Variants in C1orf21 observed in about 807,000 individuals in gnomAD.
C1orf21 encodes the protein uncharacterized protein C1orf21.
A neutral mutation model predicts 18.7 loss-of-function variants in C1orf21; 3 were observed. The observed-to-expected ratio is 0.16, with a 90% CI of 0.07 to 0.42. The LOEUF is 0.42. C1orf21 is among the 10% of genes least tolerant of loss of function. The pLI is 0.99. For synonymous variants in C1orf21, 41 were observed against 46.4 expected, an observed-to-expected ratio of 0.88 and a Z score of 0.47; for missense variants, 104 against 143.6, an observed-to-expected ratio of 0.72 and a Z score of 1.41.
At chr1:184,396,038 A>G (rs537551001) in intron 1 of C1orf21, among the ~76,000 whole-genome samples, 1 of 152,306 alleles carries the variant, frequency 6.6e-6, no homozygotes, top group East Asian at 1.9e-4. Flanking sequence ...GAAGTAGGCC[A>G]CTTCAAACAG....
At chr1:184,517,186 A>G (rs1344539067) in intron 3 of C1orf21, among the ~76,000 whole-genome samples, 1 of 152,234 alleles carries the variant, frequency 6.6e-6, no homozygotes, top group Non-Finnish European at 1.5e-5. Context: ...AATGAATGTT[A>G]AAACTTTCAA....
chr1:184,587,655 GT>G (rs3034488), intron 3 of C1orf21, among the ~76,000 whole-genome samples: 193 of 127,960 alleles, frequency 1.5e-3, no homozygotes, highest in Middle Eastern at 4.0e-3. Flanking sequence ...TTTTTGTATG[GT>G]TTTTTTTTTT....
chr1:184,526,259 G>T (rs1240106332), intron 3 of C1orf21, among the ~76,000 whole-genome samples: 1 of 152,126 alleles, frequency 6.6e-6, no homozygotes, highest in African/African-American at 2.4e-5. Flanking sequence ...TCAATATCTT[G>T]CTTTGCCTTA....
chr1:184,627,917 C>T lies in C1orf21; in HGVS notation c.*8361C>T, dbSNP rs1660044084. 6.6e-6 allele frequency: 1 copy of T among 152,310 alleles called. No individual in the cohort carries two copies. The highest frequency in any genetic ancestry group is 1.5e-5 in the Non-Finnish European group (1 of 68,066). 9.4% of individuals were successfully genotyped at this position (152,310 alleles called of 1,614,324 possible). On this transcript the variant is annotated 3_prime_UTR_variant, in exon 6 of 6. Coordinates refer to ENST00000235307, the MANE Select transcript of C1orf21 (RefSeq NM_030806.4). ...CTGGCCCACTTCCCACTCACCTCCACCTCATTGCCAGGAAGGGATCAAAAT... is the reference window on the plus strand; with the variant it reads ...CTGGCCCACTTCCCACTCACCTCCATCTCATTGCCAGGAAGGGATCAAAAT...
chr1:184,470,495 T>C (rs1194924451), intron 1 of C1orf21, among the ~76,000 whole-genome samples: 1 of 152,122 alleles, frequency 6.6e-6, no homozygotes, highest in Non-Finnish European at 1.5e-5. Context: ...TAGTCACAGG[T>C]GTCTTTCTGT....
At chr1:184,520,511 C>T (rs1658291600) in intron 3 of C1orf21, among the ~76,000 whole-genome samples, 1 of 152,162 alleles carries the variant, frequency 6.6e-6, no homozygotes, top group Non-Finnish European at 1.5e-5. Flanking sequence ...AAAGGAACAG[C>T]AGGGAACGCC....
intron 5 of C1orf21, chr1:184,599,563 A>G (rs1478993441): frequency 6.6e-6 from 1 of 152,226 alleles, no homozygotes; most frequent in Non-Finnish European, 1.5e-5. Flanking sequence ...TAAATCTATA[A>G]TGTTCCCTGG....
intron 3 of C1orf21, among the ~76,000 whole-genome samples, chr1:184,522,893 G>T (rs1386498305): frequency 6.6e-6 from 1 of 152,116 alleles, no homozygotes; most frequent in African/African-American, 2.4e-5. Context: ...TTTGCCAGTT[G>T]TCCAGGCTGG....
At chr1:184,475,507 T>C (rs1295873475) in intron 1 of C1orf21, among the ~76,000 whole-genome samples, 1 of 152,240 alleles carries the variant, frequency 6.6e-6, no homozygotes, top group East Asian at 1.9e-4. Flanking sequence ...AAAATACTAC[T>C]TCTTTCCTCT....
chr1:184,494,345 G>A (rs1657859560), intron 2 of C1orf21, among the ~76,000 whole-genome samples: 1 of 152,164 alleles, frequency 6.6e-6, no homozygotes, highest in Admixed American at 6.5e-5. Context: ...GTACTGCTCT[G>A]TACACTGGCT....
chr1:184,416,855 C>T (rs1656460648), intron 1 of C1orf21, among the ~76,000 whole-genome samples: 1 of 152,150 alleles, frequency 6.6e-6, no homozygotes, highest in Admixed American at 6.5e-5. Context: ...GGAAGAAATG[C>T]TAGTTTCTAA....
intron 1 of C1orf21, among the ~76,000 whole-genome samples, chr1:184,420,097 G>A (rs1368530034): frequency 3.3e-5 from 5 of 152,158 alleles, no homozygotes; most frequent in Admixed American, 1.3e-4. Context: ...TGGGTCTGCT[G>A]CCATACCACT....
chr1:184,544,461 C>T (rs570376459), intron 3 of C1orf21, among the ~76,000 whole-genome samples: 93 of 152,272 alleles, frequency 6.1e-4, no homozygotes, highest in African/African-American at 2.2e-3. Flanking sequence ...GTTTAGCAAA[C>T]ATTGTTGAGT....
At chr1:184,566,540 A>G (rs1433491429) in intron 3 of C1orf21, 3 of 352,340 alleles carry the variant, frequency 8.5e-6, no homozygotes, top group Admixed American at 3.2e-5. Context: ...GAGTCCTAAC[A>G]CACAGCCTCA....
chr1:184,405,396 A>G (rs1236940594), intron 1 of C1orf21, among the ~76,000 whole-genome samples: 1 of 151,800 alleles, frequency 6.6e-6, no homozygotes, highest in Non-Finnish European at 1.5e-5. Flanking sequence ...GGGTTTCACT[A>G]TGTTGCCCAG....
intron 1 of C1orf21, among the ~76,000 whole-genome samples, chr1:184,401,516 G>A (rs1656151196): frequency 6.6e-6 from 1 of 152,010 alleles, no homozygotes. Context: ...TGTGAGCCAC[G>A]GCGCCCAGCC....
intron 3 of C1orf21, among the ~76,000 whole-genome samples, chr1:184,554,597 A>T (rs1162129360): frequency 2.0e-5 from 3 of 152,224 alleles, no homozygotes; most frequent in Admixed American, 6.5e-5. Flanking sequence ...TTAAAAAAAT[A>T]AGTGATGGTT....
chr1:184,497,813 G>A (rs1413918555), intron 2 of C1orf21, among the ~76,000 whole-genome samples: 2 of 152,048 alleles, frequency 1.3e-5, no homozygotes, highest in African/African-American at 2.4e-5. Context: ...AGAGACATAC[G>A]AAAAGAAGCA....
intron 3 of C1orf21, among the ~76,000 whole-genome samples, chr1:184,576,487 A>G (rs1036900596): frequency 6.6e-6 from 1 of 152,204 alleles, no homozygotes; most frequent in Non-Finnish European, 1.5e-5. Flanking sequence ...AGAACCTTCT[A>G]TCCTCTCACT....
Sources: gnomAD v4.1 joint callset for allele counts (sites outside exome capture counted in the v4.1 genomes callset) on GRCh38, gnomAD v4.1.1 for gene constraint, MANE v1.5 for transcripts, NCBI Gene and HGNC (gene_info 2026-07-23, HGNC 2026-07-21) for gene names.